Variants in SORCS3 observed in about 807,000 individuals in gnomAD.
SORCS3 encodes the protein sortilin related VPS10 domain containing receptor 3, also known as VPS10 domain-containing receptor SorCS3.
In SORCS3, 57 loss-of-function variants were observed where a neutral mutation model predicts 146.3. The observed-to-expected ratio is 0.39, with a 90% confidence interval of 0.31 to 0.49. The LOEUF (loss-of-function observed/expected upper bound fraction) is 0.49, where lower values mean the gene tolerates loss of function less well. Among genes scored for constraint, SORCS3 ranks in the 20% least tolerant of loss-of-function variants. The pLI, the probability that SORCS3 is intolerant of heterozygous loss-of-function variation, is 0.92. For synonymous variants in SORCS3, 653 were observed against 618.5 expected (o/e 1.06, Z -0.83); for missense variants, 1,341 against 1,575.5 (o/e 0.85, Z 2.52).
intron 20 of SORCS3, among the ~76,000 whole-genome samples, chr10:105,235,457 T>A (rs1370210180): frequency 1.3e-5 from 2 of 151,536 alleles, no homozygotes; most frequent in African/African-American, 4.8e-5. Context: ...TGTGTGTGTG[T>A]GTGTGTGTGT....
Position 104,766,709 on chromosome 10 carries a change from G to A in SORCS3, c.628-76083G>A, listed in dbSNP as rs374740989. Among the ~76,000 whole-genome samples, 21 of 152,334 alleles carry A rather than the reference G, an allele frequency of 1.4e-4. No individual in the cohort carries two copies. The East Asian group carries it at 3.9e-3, about 28-fold the overall frequency. On this transcript the variant is annotated intron_variant, in intron 1 of 26. Coordinates refer to ENST00000369701, the MANE Select transcript of SORCS3 (RefSeq NM_014978.3). ...TGGGCCATGTTGGAGACAGGATTTG[G>A]AAAAGTGGTAGATGGAAGGAAAAGC...
chr10:104,798,394 C>G (rs2017583324), intron 1 of SORCS3, among the ~76,000 whole-genome samples: 1 of 152,004 alleles, frequency 6.6e-6, no homozygotes, highest in Admixed American at 6.6e-5. Context: ...TTTTTTTCTT[C>G]TATAAACCCC....
chr10:104,838,970 G>A (rs1363386338), intron 1 of SORCS3, among the ~76,000 whole-genome samples: 1 of 152,164 alleles, frequency 6.6e-6, no homozygotes, highest in East Asian at 1.9e-4. Context: ...CATTGCCAAG[G>A]CTTAACCTTG....
intron 1 of SORCS3, among the ~76,000 whole-genome samples, chr10:104,729,506 G>A (rs2016682363): frequency 6.6e-6 from 1 of 152,244 alleles, no homozygotes. Context: ...CAATGGATAT[G>A]TTGGATGAAA....
chr10:104,991,638 A>T (rs965375416), intron 4 of SORCS3, among the ~76,000 whole-genome samples: 2 of 151,604 alleles, frequency 1.3e-5, no homozygotes, highest in Non-Finnish European at 2.9e-5. Context: ...AGTGGCTGGG[A>T]CTGCAGGTGC....
chr10:104,718,082 G>T (rs1424583555), intron 1 of SORCS3, among the ~76,000 whole-genome samples: 1 of 152,128 alleles, frequency 6.6e-6, no homozygotes, highest in Non-Finnish European at 1.5e-5. Flanking sequence ...GGAGGCGGAG[G>T]TTGTGGTGAG....
chr10:104,734,981 T>A lies in SORCS3; in HGVS notation c.627+93027T>A, dbSNP rs147893027. 4.7e-4 allele frequency among the ~76,000 whole-genome samples: 72 copies of A among 152,320 alleles called. 1 individual carries two copies. In the East Asian group the frequency reaches 9.6e-3, roughly 20 times the overall value. The stretch of plus-strand genomic sequence containing the variant: ...CTAACAAGTTAGGTATCTCTTTTTT[T>A]AAAAAACCATTTTTTATTGCAGTTA... On this transcript the variant is annotated intron_variant, in intron 1 of 26. Transcript: ENST00000369701.
intron 1 of SORCS3, among the ~76,000 whole-genome samples, chr10:104,648,137 G>A (rs949652212): frequency 6.6e-6 from 1 of 152,194 alleles, no homozygotes; most frequent in South Asian, 2.1e-4. Flanking sequence ...GATCGTTTCA[G>A]GCTATGAGCT....
chr10:105,195,951 G>A (rs891710295), intron 14 of SORCS3, among the ~76,000 whole-genome samples: 4 of 152,276 alleles, frequency 2.6e-5, no homozygotes, highest in East Asian at 3.9e-4. Flanking sequence ...TACAGTATGG[G>A]GAAAGACCTG....
chr10:104,818,360 TCTTCCTTCCTTCCTTCCTTCCTTCCTTC>T (rs34389949), intron 1 of SORCS3, among the ~76,000 whole-genome samples: 1 of 139,756 alleles, frequency 7.2e-6, no homozygotes, highest in Non-Finnish European at 1.5e-5. Context: ...TCTTCTCCTT[TCTTCCTTCCTTCCTTCCTTCCTTCCTTC>T]CTTCCTTCCT....
At chr10:105,192,337 G>A (rs571602059) in intron 14 of SORCS3, among the ~76,000 whole-genome samples, 6 of 152,124 alleles carry the variant, frequency 3.9e-5, no homozygotes, top group African/African-American at 1.4e-4. Context: ...GACAAGGTGT[G>A]GGGTAAGCCA....
At chr10:105,129,606 T>C (rs2056003145) in intron 7 of SORCS3, among the ~76,000 whole-genome samples, 1 of 151,790 alleles carries the variant, frequency 6.6e-6, no homozygotes, top group South Asian at 2.1e-4. Context: ...ATAATTCAAG[T>C]TCGTATCTGT....
At chr10:104,779,821 G>A (rs982813595) in intron 1 of SORCS3, among the ~76,000 whole-genome samples, 3 of 152,252 alleles carry the variant, frequency 2.0e-5, no homozygotes, top group Middle Eastern at 6.8e-3. Flanking sequence ...CACTAACCAC[G>A]CAAGTCTCTA....
intron 1 of SORCS3, among the ~76,000 whole-genome samples, chr10:104,810,648 T>C (rs1337254545): frequency 2.0e-5 from 3 of 152,200 alleles, no homozygotes; most frequent in Non-Finnish European, 4.4e-5. Flanking sequence ...CTGCTGTACA[T>C]AGTCTTAGAA....
chr10:104,889,451 G>A (rs968149144), intron 2 of SORCS3, among the ~76,000 whole-genome samples: 1 of 115,136 alleles, frequency 8.7e-6, no homozygotes, highest in African/African-American at 4.9e-5. Context: ...CCTTTTGGAT[G>A]GTATTTTTTT....
At chr10:105,161,270 T>C (rs147600712) in intron 11 of SORCS3, among the ~76,000 whole-genome samples, 2 of 152,252 alleles carry the variant, frequency 1.3e-5, no homozygotes, top group East Asian at 3.9e-4. Context: ...CATACCCAGC[T>C]TCTCCTTACC....
chr10:105,198,739 C>A (rs777566243), intron 14 of SORCS3, among the ~76,000 whole-genome samples: 12 of 152,184 alleles, frequency 7.9e-5, no homozygotes, highest in Non-Finnish European at 1.2e-4. Flanking sequence ...TAGATCCACA[C>A]AAAACCCATG....
intron 7 of SORCS3, among the ~76,000 whole-genome samples, chr10:105,111,567 G>C (rs757100790): frequency 1.3e-5 from 2 of 152,190 alleles, no homozygotes; most frequent in Non-Finnish European, 2.9e-5. Flanking sequence ...TGCTCAATGC[G>C]TAAGAAATGA....
chr10:105,011,695 C>T (rs570823567), intron 4 of SORCS3, among the ~76,000 whole-genome samples: 1 of 152,184 alleles, frequency 6.6e-6, no homozygotes, highest in East Asian at 1.9e-4. Context: ...AAGTATTTCC[C>T]AGTCTAGATT....
Sources: gnomAD v4.1 joint callset for allele counts (sites outside exome capture counted in the v4.1 genomes callset) on GRCh38, gnomAD v4.1.1 for gene constraint, MANE v1.5 for transcripts, NCBI Gene and HGNC (gene_info 2026-07-23, HGNC 2026-07-21) for gene names.